Variants in CEP162 observed in about 807,000 individuals in gnomAD.
CEP162 encodes the protein centrosomal protein of 162 kDa.
Under a neutral mutation model 169.2 loss-of-function variants are expected in CEP162, and 141 were observed. That is an observed-to-expected ratio of 0.83 (90% confidence interval 0.73 to 0.96). The LOEUF is 0.96. Among genes scored for constraint, CEP162 ranks in the 40% least tolerant of loss-of-function variants. The pLI, the probability that CEP162 is intolerant of heterozygous loss-of-function variation, is 0.00. For missense variants in CEP162, 1,600 were observed against 1,587.2 expected (o/e 1.01, Z -0.14); for synonymous variants, 540 against 526.4 (o/e 1.03, Z -0.35).
chr6:84,217,667 GT>G (rs1270106088), intron 3 of CEP162: 1 of 152,294 alleles, frequency 6.6e-6, no homozygotes, highest in African/African-American at 2.4e-5. Flanking sequence ...GAGGGAAGAG[GT>G]GGCTATGATG....
intron 3 of CEP162, among the ~76,000 whole-genome samples, chr6:84,218,563 C>G (rs1220487370): frequency 6.6e-6 from 1 of 151,864 alleles, no homozygotes; most frequent in African/African-American, 2.4e-5. Context: ...TTCTTTTGTT[C>G]TTTGTTTTCT....
intron 21 of CEP162, among the ~76,000 whole-genome samples, chr6:84,159,519 TTATTTA>T (rs1210808986): frequency 3.8e-5 from 4 of 104,344 alleles, no homozygotes; most frequent in African/African-American, 1.2e-4. Flanking sequence ...TTAAAATTAA[TTATTTA>T]TATATATATA....
Position 84,152,624 on chromosome 6 carries a change from C to G in CEP162, c.3550G>C (p.Glu1184Gln). 1 of 1,578,548 alleles carries G rather than the reference C, an allele frequency of 6.3e-7. No individual in the cohort carries two copies. Among genetic ancestry groups the G allele is most frequent in the Non-Finnish European group, 8.6e-7 (1 of 1,160,774 alleles). Reference sequence around the variant, plus strand: ...TCATTCTTCTCTGAAATTAATCCTTCTAGCTCATTTTTTAATCTGTAGTTT... The same window carrying G: ...TCATTCTTCTCTGAAATTAATCCTTGTAGCTCATTTTTTAATCTGTAGTTT... ...QENYRLKNELEGLISEKNELK... is the reference protein window; with the variant it reads ...QENYRLKNELQGLISEKNELK... The change falls in exon 23 of 27, where the codon GAA becomes CAA. Residue 1184 changes from glutamate to glutamine, a missense_variant. Coordinates refer to ENST00000403245, the MANE Select transcript of CEP162 (RefSeq NM_014895.4).
intron 18 of CEP162, among the ~76,000 whole-genome samples, chr6:84,165,756 T>G (rs528274217): frequency 1.3e-5 from 2 of 152,216 alleles, no homozygotes; most frequent in Non-Finnish European, 2.9e-5. Flanking sequence ...CTCTGTTTTA[T>G]ACTGTCTTAC....
chr6:84,191,366 G>A (rs1008388001), intron 11 of CEP162, among the ~76,000 whole-genome samples: 2 of 152,162 alleles, frequency 1.3e-5, no homozygotes, highest in African/African-American at 2.4e-5. Context: ...ACTGATTTAA[G>A]GTAGCCCCTT....
chr6:84,186,722 A>T, intron 11 of CEP162, 99 bp from the exon 12 acceptor site: 2 of 952,518 alleles, frequency 2.1e-6, no homozygotes, highest in South Asian at 3.5e-5. Context: ...CACACTATAT[A>T]TTTGAATTGT....
intron 3 of CEP162, among the ~76,000 whole-genome samples, chr6:84,220,499 C>T (rs1290157976): frequency 6.6e-6 from 1 of 152,092 alleles, no homozygotes; most frequent in Non-Finnish European, 1.5e-5. Context: ...TTGGCATGTA[C>T]CTGTAGTCCC....
chr6:84,194,115 G>A (rs908895769), intron 10 of CEP162, among the ~76,000 whole-genome samples: 1 of 152,076 alleles, frequency 6.6e-6, no homozygotes, highest in Non-Finnish European at 1.5e-5. Flanking sequence ...AGCACTTTGG[G>A]AGGCCAAGGC....
chr6:84,148,651 G>A (rs1054910776), intron 24 of CEP162, among the ~76,000 whole-genome samples: 9 of 152,110 alleles, frequency 5.9e-5, no homozygotes, highest in South Asian at 2.1e-4. Context: ...CAAACTTCCC[G>A]AATTGAGGAA....
At chr6:84,182,276 T>C (rs946715874) in intron 13 of CEP162, among the ~76,000 whole-genome samples, 2 of 152,084 alleles carry the variant, frequency 1.3e-5, no homozygotes, top group African/African-American at 4.8e-5. Flanking sequence ...TTCTTTCACT[T>C]TTCTGTAATT....
intron 13 of CEP162, among the ~76,000 whole-genome samples, chr6:84,181,099 A>G (rs1329316024): frequency 1.3e-5 from 2 of 152,232 alleles, no homozygotes; most frequent in South Asian, 2.1e-4. Flanking sequence ...CCTGACTTCA[A>G]ACTATACTAC....
intron 25 of CEP162, among the ~76,000 whole-genome samples, chr6:84,138,723 T>C (rs2099515208): frequency 6.6e-6 from 1 of 152,206 alleles, no homozygotes; most frequent in Admixed American, 6.5e-5. Flanking sequence ...TTAACAACAA[T>C]TAAGTTAACT....
At chr6:84,153,902 G>A (rs1178559395) in intron 22 of CEP162, among the ~76,000 whole-genome samples, 2 of 152,166 alleles carry the variant, frequency 1.3e-5, no homozygotes, top group Non-Finnish European at 2.9e-5. Context: ...ATAGTGCAGT[G>A]AGTGCAGAGG....
intron 3 of CEP162, among the ~76,000 whole-genome samples, chr6:84,218,615 G>A (rs2099552481): frequency 6.6e-6 from 1 of 152,122 alleles, no homozygotes; most frequent in African/African-American, 2.4e-5. Flanking sequence ...TAAATATGAA[G>A]ATTAGAAAAA....
At chr6:84,180,118 C>T (rs1311098558) in intron 13 of CEP162, among the ~76,000 whole-genome samples, 1 of 152,148 alleles carries the variant, frequency 6.6e-6, no homozygotes, top group Non-Finnish European at 1.5e-5. Flanking sequence ...AAACCGAATC[C>T]AGCAGCACAT....
chr6:84,215,431 G>C lies in CEP162; in HGVS notation c.354C>G (p.Leu118=), dbSNP rs189673325. 2 of 1,605,440 alleles carry C rather than the reference G, an allele frequency of 1.2e-6. No individual in the cohort carries two copies. Among genetic ancestry groups the C allele is most frequent in the African/African-American group, 2.7e-5 (2 of 74,636 alleles). The part of the protein sequence containing the change: ...LVVSELNHSS[L]GVGLDTLEEQ... ...CTTCTAATGTGTCCAATCCCACTCCGAGACTACTATGGTTGAGCTCAGAAA... is the reference window on the plus strand; with the variant it reads ...CTTCTAATGTGTCCAATCCCACTCCCAGACTACTATGGTTGAGCTCAGAAA... The change falls in exon 5 of 27, where the codon CTC becomes CTG. Residue 118 remains leucine, a synonymous_variant. Coordinates refer to ENST00000403245, the MANE Select transcript of CEP162 (RefSeq NM_014895.4).
chr6:84,160,876 C>T lies in CEP162; in HGVS notation c.2717G>A (p.Arg906Gln), dbSNP rs200553471. 1.6e-5 allele frequency: 25 copies of T among 1,612,770 alleles called. No homozygotes were observed. The highest frequency in any genetic ancestry group is 1.3e-4 in the East Asian group (6 of 44,844). The change falls in exon 21 of 27, where the codon CGG becomes CAG. Residue 906 changes from arginine to glutamine, a missense_variant. Arg to Gln is a conservative substitution (Grantham distance 43). Transcript: ENST00000403245. ...LKAESGNPSI[R>Q]QKIRLKDKAA... ...TTTATCTTTTAAGCGTATCTTCTGC[C>T]GAATAGATGGATTCCCAGATTCAGC...
rs2099521515 is a variant in CEP162 at position 84,152,537 on chromosome 6, C to T, written c.3629+8G>A. On this transcript the variant is annotated splice_region_variant and intron_variant, in intron 23 of 26. Transcript: ENST00000403245. Reference sequence around the variant, plus strand: ...TTACAAATATTTATAAATAATTTAACATTTTACCTTCTCATGGAGTTTTCA... The same window carrying T: ...TTACAAATATTTATAAATAATTTAATATTTTACCTTCTCATGGAGTTTTCA... 7.6e-7 allele frequency: 1 copy of T among 1,312,644 alleles called. No individual in the cohort carries two copies. 81.3% of individuals were successfully genotyped at this position (1,312,644 alleles called of 1,614,324 possible).
Position 84,127,762 on chromosome 6 carries a change from G to A in CEP162, c.3871-1250C>T, listed in dbSNP as rs2099509536. Among the ~76,000 whole-genome samples, 5 of 152,002 alleles carry A rather than the reference G, an allele frequency of 3.3e-5. No homozygotes were observed. The South Asian group carries it at 6.2e-4, about 19-fold the overall frequency. On this transcript the variant is annotated intron_variant, in intron 25 of 26. Transcript: ENST00000403245. The stretch of plus-strand genomic sequence containing the variant: ...CCTGGTACACCAGTTAGGAAGCTCT[G>A]GTTTTCTGAATGAAACAGTCAAGTG...
Sources: allele counts gnomAD v4.1 joint callset (sites outside exome capture counted in the v4.1 genomes callset), GRCh38; gene constraint gnomAD v4.1.1; transcripts MANE v1.5; gene names NCBI Gene and HGNC (gene_info 2026-07-23, HGNC 2026-07-21).